The following ZNF16 variants were observed in gnomAD, a reference collection of about 807,000 sequenced individuals.
ZNF16 encodes zinc finger protein 16.
Under a neutral mutation model 9.0 loss-of-function variants are expected in ZNF16, and 7 were observed. The ratio of observed to expected loss-of-function variants is 0.78; its 90% CI spans 0.44 to 1.47. ZNF16 has a LOEUF of 1.47. Among genes scored for constraint, ZNF16 ranks in the 40% most tolerant of loss-of-function variants. ZNF16 has a pLI of 0.01. For missense variants in ZNF16, 830 were observed against 854.2 expected (o/e 0.97, Z 0.35); for synonymous variants, 312 against 301.5 (o/e 1.03, Z -0.36).
intron 1 of ZNF16, among the ~76,000 whole-genome samples, chr8:144,946,519 CTGTGT>C (rs1833932801): frequency 7.5e-6 from 1 of 133,400 alleles, no homozygotes; most frequent in Non-Finnish European, 1.6e-5. Flanking sequence ...CCCACAGGGT[CTGTGT>C]CCTGCTGTGG....
At chr8:144,937,143 C>CTTTTTTTTTT (rs58306145) in intron 2 of ZNF16, among the ~76,000 whole-genome samples, 1 of 110,966 alleles carries the variant, frequency 9.0e-6, no homozygotes. Context: ...CTTTCTCTCT[C>CTTTTTTTTTT]TTTTTTTTTT....
chr8:144,945,840 C>T (rs1833911240), intron 2 of ZNF16, 171 bp downstream of exon 2: 1 of 1,318,252 alleles, frequency 7.6e-7, no homozygotes, highest in Admixed American at 2.8e-5. Context: ...TGCCAGGGGC[C>T]AGGCTAGGTT....
Position 144,939,123 on chromosome 8 carries a change from CT to C in ZNF16, c.197-6534del, listed in dbSNP as rs1225423880. On this transcript the variant is annotated intron_variant, in intron 2 of 2. Coordinates refer to ENST00000394909, the MANE Select transcript of ZNF16 (RefSeq NM_006958.3). ...TGCTATTGGATTCAGTTTTCTATTTCTTTGTTGGGAGTTTTATATCTCTAGC... is the reference window on the plus strand; with the variant it reads ...TGCTATTGGATTCAGTTTTCTATTTCTTGTTGGGAGTTTTATATCTCTAGC... Among the ~76,000 whole-genome samples, 6 of 152,126 alleles carry C rather than the reference CT, an allele frequency of 3.9e-5. No homozygotes were observed. The South Asian group carries it at 1.0e-3, about 26-fold the overall frequency.
At chr8:144,947,742 A>C (rs1204309602) in intron 1 of ZNF16, among the ~76,000 whole-genome samples, 2 of 152,122 alleles carry the variant, frequency 1.3e-5, no homozygotes, top group Non-Finnish European at 2.9e-5. Context: ...GATTATGTCC[A>C]GTCTTGAGGC....
At chr8:144,949,619 G>T (rs182366681) in intron 1 of ZNF16, among the ~76,000 whole-genome samples, 60 of 152,346 alleles carry the variant, frequency 3.9e-4, no homozygotes, top group African/African-American at 1.4e-3. Flanking sequence ...AACATGTGTT[G>T]TATGGAATCA....
chr8:144,930,976 A>G lies in ZNF16; in HGVS notation c.1811T>C (p.Val604Ala). ...VHTGEKPYTCVECGKGFSQSS... is the reference protein window; with the variant it reads ...VHTGEKPYTCAECGKGFSQSS... ...CTGGCTGAAGCCCTTACCACATTCA[A>G]CACAGGTGTAGGGTTTTTCCCCAGT... is the stretch of plus-strand genomic sequence containing the variant. Residue 604 changes from valine to alanine, a missense_variant, in exon 3 of 3, where the codon GTT (valine) becomes GCT (alanine). By Grantham distance (64) the Val-to-Ala change is moderately conservative. Transcript: ENST00000394909. 2.5e-6 allele frequency: 4 copies of G among 1,613,888 alleles called. No individual in the cohort carries two copies. Among genetic ancestry groups the G allele is most frequent in the African/African-American group, 1.3e-5 (1 of 74,956 alleles).
At position 144,932,674 on chromosome 8, in the gene ZNF16, C is replaced by T; in HGVS notation, c.197-84G>A. On this transcript the variant is annotated intron_variant, in intron 2 of 2. Coordinates refer to ENST00000394909, the MANE Select transcript of ZNF16 (RefSeq NM_006958.3). This position sits in a 1 kb window ranked among gnomAD's most constrained non-coding sequence, Gnocchi z 5.0. ...AGACAGTCACAGTTGCACCCACTAA[C>T]TGTGGAGGAGGCAAGGGGAGCAGGG... 6 of 1,460,312 alleles carry T rather than the reference C, an allele frequency of 4.1e-6. No individual in the cohort carries two copies. Among genetic ancestry groups the T allele is most frequent in the African/African-American group, 2.8e-5 (2 of 71,174 alleles). 90.5% of individuals were successfully genotyped at this position (1,460,312 alleles called of 1,614,324 possible).
At position 144,932,671 on chromosome 8, in the gene ZNF16, T is replaced by C. The variant is rs967844299; in HGVS notation, c.197-81A>G. The C allele has an allele frequency of 6.9e-7, 1 of 1,455,656 alleles. No individual in the cohort carries two copies. The highest frequency in any genetic ancestry group is 9.4e-7 in the Non-Finnish European group (1 of 1,068,290). The allele number at this position is 1,455,656 out of a possible 1,614,324, so 90.2% of individuals were successfully genotyped here. On this transcript the variant is annotated intron_variant, in intron 2 of 2. Coordinates refer to ENST00000394909, the MANE Select transcript of ZNF16 (RefSeq NM_006958.3). This position sits in a 1 kb window ranked among gnomAD's most constrained non-coding sequence, Gnocchi z 5.0. Reference sequence around the variant, plus strand: ...CATAGACAGTCACAGTTGCACCCACTAACTGTGGAGGAGGCAAGGGGAGCA... The same window carrying C: ...CATAGACAGTCACAGTTGCACCCACCAACTGTGGAGGAGGCAAGGGGAGCA...
In ZNF16 at chr8:144,932,230, C is replaced by A; in HGVS notation, c.557G>T (p.Gly186Val). The change falls in exon 3 of 3, where the codon GGT becomes GTT. Residue 186 changes from glycine to valine, a missense_variant. Gly to Val is a moderately radical substitution (Grantham distance 109). Coordinates refer to ENST00000394909, the MANE Select transcript of ZNF16 (RefSeq NM_006958.3). This position sits in a 1 kb window ranked among gnomAD's most constrained non-coding sequence, Gnocchi z 5.0. ...CACACTGTGCTGGAAACTCTGGCCA[C>A]CCATGTCATATGGATGTGGCCTCTC... ...TEERPHPYDM[G>V]GQSFQHSVDL... 6.2e-7 allele frequency: 1 copy of A among 1,614,204 alleles called. No individual in the cohort carries two copies. The highest frequency in any genetic ancestry group is 8.5e-7 in the Non-Finnish European group (1 of 1,180,044).
chr8:144,939,331 C>T (rs868491302), intron 2 of ZNF16, among the ~76,000 whole-genome samples: 32 of 152,124 alleles, frequency 2.1e-4, no homozygotes, highest in African/African-American at 7.5e-4. Flanking sequence ...GTGGGCCAGG[C>T]ACGGTTGCTC....
Position 144,931,320 on chromosome 8 carries a change from G to A in ZNF16, c.1467C>T (p.Tyr489=), listed in dbSNP as rs1312903446. 7 of 1,613,572 alleles carry A rather than the reference G, an allele frequency of 4.3e-6. No homozygotes were observed. The highest frequency in any genetic ancestry group is 2.2e-5 in the South Asian group (2 of 91,058). ...HQIIHTGEKP[Y]RCSVCGKAFS... ...AGGCCTTCCCACAGACACTGCATCT[G>A]TACGGCTTCTCTCCCGTGTGGATGA... The change falls in exon 3 of 3, where the codon TAC becomes TAT. Residue 489 remains tyrosine, a synonymous_variant. Transcript: ENST00000394909.
In ZNF16 at chr8:144,932,513, T is replaced by C. The variant is rs761520554; in HGVS notation, c.274A>G (p.Ile92Val). 3.1e-6 allele frequency: 5 copies of C among 1,614,244 alleles called. No individual in the cohort carries two copies. In the South Asian group the frequency reaches 5.5e-5, roughly 18 times the overall value. ...IHEDLESQAEISENYAGDVSQ... is the reference protein window; with the variant it reads ...IHEDLESQAEVSENYAGDVSQ... ...ACATCACCAGCATAGTTTTCTGATA[T>C]TTCTGCCTGTGATTCCAAATCTTCA... Residue 92 changes from isoleucine to valine, a missense_variant, in exon 3 of 3, where the codon ATA becomes GTA. Coordinates refer to ENST00000394909, the MANE Select transcript of ZNF16 (RefSeq NM_006958.3). The surrounding 1 kb of genome is among the most constrained non-coding windows in gnomAD (Gnocchi z 5.0).
At position 144,932,485 on chromosome 8, in the gene ZNF16, G is replaced by A. The variant is rs2130000150; in HGVS notation, c.302C>T (p.Ser101Phe). The A allele has an allele frequency of 6.2e-7, 1 of 1,614,212 alleles. No homozygotes were observed. Among genetic ancestry groups the A allele is most frequent in the Non-Finnish European group, 8.5e-7 (1 of 1,180,050 alleles). Residue 101 changes from serine (S) to phenylalanine (F), a missense_variant, in exon 3 of 3, where the codon TCC becomes TTC. Coordinates refer to ENST00000394909, the MANE Select transcript of ZNF16 (RefSeq NM_006958.3). This position sits in a 1 kb window ranked among gnomAD's most constrained non-coding sequence, Gnocchi z 5.0. ...EISENYAGDV[S>F]QVPELGDLCD... ...CAGATCTCCAAGCTCGGGTACCTGGGAAACATCACCAGCATAGTTTTCTGA... is the reference window on the plus strand; with the variant it reads ...CAGATCTCCAAGCTCGGGTACCTGGAAAACATCACCAGCATAGTTTTCTGA...
At chr8:144,940,236 G>A (rs1439368025) in intron 2 of ZNF16, among the ~76,000 whole-genome samples, 3 of 151,866 alleles carry the variant, frequency 2.0e-5, no homozygotes, top group Non-Finnish European at 4.4e-5. Context: ...AAGCAACCAC[G>A]CCCAGCTAAT....
intron 2 of ZNF16, among the ~76,000 whole-genome samples, chr8:144,937,143 C>T (rs201351884): frequency 0.2 from 22,404 of 111,248 alleles, 2,429 homozygotes; most frequent in East Asian, 0.35. Flanking sequence ...CTTTCTCTCT[C>T]TTTTTTTTTT....
At chr8:144,943,389 G>A (rs536144507) in intron 2 of ZNF16, among the ~76,000 whole-genome samples, 18 of 152,096 alleles carry the variant, frequency 1.2e-4, no homozygotes, top group Middle Eastern at 3.4e-3. Context: ...TCATCACATT[G>A]GGGATACTCT....
chr8:144,941,841 G>A (rs1387449063), intron 2 of ZNF16, among the ~76,000 whole-genome samples: 1 of 150,816 alleles, frequency 6.6e-6, no homozygotes, highest in Non-Finnish European at 1.5e-5. Context: ...TGTATTTTTA[G>A]TAGAGATGGG....
intron 2 of ZNF16, among the ~76,000 whole-genome samples, chr8:144,936,236 G>A (rs1303478207): frequency 6.6e-6 from 1 of 152,226 alleles, no homozygotes; most frequent in Non-Finnish European, 1.5e-5. Context: ...TTATCCGCGT[G>A]TAGCAGGTAC....
rs1204683151 is a variant in ZNF16, at chr8:144,931,048, T to A, written c.1739A>T (p.Lys580Ile). The A allele has an allele frequency of 6.2e-7, 1 of 1,614,100 alleles. No individual in the cohort carries two copies. The highest frequency in any genetic ancestry group is 8.5e-7 in the Non-Finnish European group (1 of 1,180,050). The change falls in exon 3 of 3, where the codon AAA becomes ATA. Residue 580 changes from lysine to isoleucine, a missense_variant. Lys to Ile is a moderately radical substitution (Grantham distance 102). Transcript: ENST00000394909. ...GAGATTTGAGCTTCGGTTGAAGGCT[T>A]TACCACACTGGTTACATTCATGGGG... is the stretch of plus-strand genomic sequence containing the variant. ...LKPHECNQCG[K>I]AFNRSSNLIH...
Sources: gnomAD v4.1 joint callset for allele counts (sites outside exome capture counted in the v4.1 genomes callset) on GRCh38, gnomAD v4.1.1 for gene constraint, Gnocchi (gnomAD v3.1) non-coding constraint, MANE v1.5 for transcripts, NCBI Gene and HGNC (gene_info 2026-07-23, HGNC 2026-07-21) for gene names.